The following CTNND2 variants were observed in gnomAD, a reference collection of about 807,000 sequenced individuals.
CTNND2 encodes the protein catenin delta 2.
In CTNND2, 22 loss-of-function variants were observed where a neutral mutation model predicts 144.4. That is an observed-to-expected ratio of 0.15 (90% CI 0.11 to 0.22). The LOEUF (loss-of-function observed/expected upper bound fraction) is 0.22. CTNND2 is among the 10% of genes least tolerant of loss of function. CTNND2 has a pLI of 1.00. For missense variants in CTNND2, 1,353 were observed against 1,618.8 expected (o/e 0.84, Z 2.82); for synonymous variants, 751 against 695.6 (o/e 1.08, Z -1.25).
At chr5:11,031,311 G>A (rs761157498) in intron 16 of CTNND2, among the ~76,000 whole-genome samples, 14 of 152,094 alleles carry the variant, frequency 9.2e-5, no homozygotes, top group African/African-American at 1.4e-4. Flanking sequence ...TTTAGAGGAC[G>A]GGGTCTTTTG....
At chr5:11,422,367 A>T (rs560888194) in intron 3 of CTNND2, among the ~76,000 whole-genome samples, 4 of 152,356 alleles carry the variant, frequency 2.6e-5, no homozygotes, top group Admixed American at 6.5e-5. Context: ...AGTAAAAGCC[A>T]TAAAGACCAT....
chr5:11,679,088 G>T (rs888638510), intron 2 of CTNND2, among the ~76,000 whole-genome samples: 1 of 151,910 alleles, frequency 6.6e-6, no homozygotes, highest in African/African-American at 2.4e-5. Context: ...GACTCTGACT[G>T]GCCCTTCCTG....
chr5:11,329,272 C>T (rs1271370242), intron 9 of CTNND2, among the ~76,000 whole-genome samples: 1 of 152,202 alleles, frequency 6.6e-6, no homozygotes, highest in Non-Finnish European at 1.5e-5. Context: ...TCTCCTGCCT[C>T]AGCCTCTGAG....
intron 2 of CTNND2, among the ~76,000 whole-genome samples, chr5:11,579,531 T>C (rs1778249316): frequency 6.6e-6 from 1 of 152,072 alleles, no homozygotes; most frequent in Non-Finnish European, 1.5e-5. Flanking sequence ...AATAAAAGAT[T>C]CACATTTAAT....
chr5:11,726,990 G>A (rs953791043), intron 2 of CTNND2, among the ~76,000 whole-genome samples: 5 of 152,138 alleles, frequency 3.3e-5, no homozygotes, highest in Non-Finnish European at 7.4e-5. Context: ...AGAGCATCAG[G>A]AAGCAGGGGT....
At chr5:11,443,768 GCTAT>G (rs532877868) in intron 3 of CTNND2, among the ~76,000 whole-genome samples, 90 of 152,160 alleles carry the variant, frequency 5.9e-4, no homozygotes, top group African/African-American at 1.8e-3. Context: ...TTCAATCTCT[GCTAT>G]CTCTCAAAAG....
chr5:10,991,095 G>T (rs1439736544), intron 19 of CTNND2, among the ~76,000 whole-genome samples: 8 of 152,224 alleles, frequency 5.3e-5, no homozygotes, highest in Non-Finnish European at 8.8e-5. Flanking sequence ...GGTACAGGGG[G>T]TTCCTGATCG....
chr5:11,838,849 G>T (rs1040466888), intron 1 of CTNND2, among the ~76,000 whole-genome samples: 1 of 151,990 alleles, frequency 6.6e-6, no homozygotes, highest in Non-Finnish European at 1.5e-5. Context: ...CTAACATAAT[G>T]GTGCTTCTTA....
intron 2 of CTNND2, among the ~76,000 whole-genome samples, chr5:11,690,483 T>C (rs1561697296): frequency 6.6e-6 from 1 of 152,082 alleles, no homozygotes; most frequent in Non-Finnish European, 1.5e-5. Flanking sequence ...AAGAAATCTA[T>C]GCTTTCTTGG....
intron 7 of CTNND2, among the ~76,000 whole-genome samples, chr5:11,377,129 C>T (rs1758017091): frequency 6.6e-6 from 1 of 151,822 alleles, no homozygotes; most frequent in African/African-American, 2.4e-5. Flanking sequence ...TGGCTCACTG[C>T]AACCTCTGCC....
intron 5 of CTNND2, among the ~76,000 whole-genome samples, chr5:11,399,292 A>G (rs115774233): frequency 6.6e-6 from 1 of 152,226 alleles, no homozygotes; most frequent in African/African-American, 2.4e-5. Context: ...AGCAGATACA[A>G]CGACAGTGCA....
chr5:11,508,910 C>CA (rs767354627), intron 3 of CTNND2, among the ~76,000 whole-genome samples: 1,322 of 120,976 alleles, frequency 0.011, 27 homozygotes, highest in African/African-American at 0.036. Context: ...GACTCGTTTT[C>CA]AAAAAAAAAA....
intron 5 of CTNND2, among the ~76,000 whole-genome samples, chr5:11,405,733 T>G (rs1396670242): frequency 6.6e-6 from 1 of 152,154 alleles, no homozygotes; most frequent in Non-Finnish European, 1.5e-5. Context: ...CTTCTATTTT[T>G]GCTACTGCTA....
At chr5:10,983,321 T>C (rs1579943635) in intron 20 of CTNND2, among the ~76,000 whole-genome samples, 4 of 152,098 alleles carry the variant, frequency 2.6e-5, no homozygotes, top group African/African-American at 9.7e-5. Context: ...CTTTGGAAAA[T>C]GCTGTCTTGT....
intron 9 of CTNND2, among the ~76,000 whole-genome samples, chr5:11,336,250 T>G (rs1446983560): frequency 1.3e-5 from 2 of 152,232 alleles, no homozygotes; most frequent in African/African-American, 4.8e-5. Context: ...TTGTTCAACA[T>G]GCCAATAACC....
intron 1 of CTNND2, among the ~76,000 whole-genome samples, chr5:11,779,810 T>C (rs763891736): frequency 3.3e-5 from 5 of 152,228 alleles, no homozygotes; most frequent in Non-Finnish European, 5.9e-5. Flanking sequence ...CCAGCAATTT[T>C]AGTCACTGAA....
At chr5:11,504,736 G>A (rs1435148499) in intron 3 of CTNND2, among the ~76,000 whole-genome samples, 1 of 152,128 alleles carries the variant, frequency 6.6e-6, no homozygotes, top group Non-Finnish European at 1.5e-5. Flanking sequence ...TCCTTGAGAG[G>A]CTCCACAGGG....
chr5:11,592,418 T>C (rs2150144130), intron 2 of CTNND2, among the ~76,000 whole-genome samples: 1 of 152,266 alleles, frequency 6.6e-6, no homozygotes, highest in Middle Eastern at 3.4e-3. Flanking sequence ...CTTCATGAGT[T>C]TGTGCTGATT....
intron 10 of CTNND2, among the ~76,000 whole-genome samples, chr5:11,232,610 G>C (rs926961167): frequency 2.6e-5 from 4 of 152,228 alleles, no homozygotes; most frequent in African/African-American, 9.6e-5. Context: ...ATTGTATCTT[G>C]GAAGGAACTA....
Sources: allele counts gnomAD v4.1 joint callset (sites outside exome capture counted in the v4.1 genomes callset), GRCh38; gene constraint gnomAD v4.1.1; transcripts MANE v1.5; gene names NCBI Gene and HGNC (gene_info 2026-07-23, HGNC 2026-07-21).